SNTB1: variants seen among roughly 807,000 people sequenced by gnomAD.
SNTB1 encodes the protein beta-1-syntrophin.
A neutral mutation model predicts 48.9 loss-of-function variants in SNTB1; 36 were observed. The observed-to-expected ratio is 0.74, with a 90% CI of 0.56 to 0.97. SNTB1 has a LOEUF of 0.97. SNTB1 is among the 50% of genes least tolerant of loss of function. The pLI, the probability that SNTB1 is intolerant of heterozygous loss-of-function variation, is 0.00. For missense variants in SNTB1, 786 were observed against 703.4 expected (o/e 1.12, Z -1.33); for synonymous variants, 299 against 294.6 (o/e 1.01, Z -0.15).
intron 1 of SNTB1, among the ~76,000 whole-genome samples, chr8:120,790,167 G>T (rs569297917): frequency 1.3e-5 from 2 of 152,004 alleles, no homozygotes; most frequent in Admixed American, 1.3e-4. Context: ...CACAGAAAAA[G>T]CATTCAATAA....
At chr8:120,667,995 G>C (rs1272567398) in intron 2 of SNTB1, among the ~76,000 whole-genome samples, 3 of 152,174 alleles carry the variant, frequency 2.0e-5, no homozygotes, top group Non-Finnish European at 4.4e-5. Context: ...CTGTGGTGTA[G>C]TTTTTGCCTC....
intron 2 of SNTB1, among the ~76,000 whole-genome samples, chr8:120,646,875 CT>C (rs1817306613): frequency 1.3e-5 from 2 of 151,970 alleles, no homozygotes; most frequent in Non-Finnish European, 2.9e-5. Flanking sequence ...GATTCAACTT[CT>C]TCCTGGTTTA....
At chr8:120,782,946 T>G (rs986107943) in intron 1 of SNTB1, among the ~76,000 whole-genome samples, 1 of 152,230 alleles carries the variant, frequency 6.6e-6, no homozygotes. Flanking sequence ...CACTGGTCTT[T>G]ATACTAAGAA....
intron 3 of SNTB1, among the ~76,000 whole-genome samples, chr8:120,623,282 C>T (rs547111154): frequency 6.6e-6 from 1 of 152,198 alleles, no homozygotes; most frequent in Admixed American, 6.5e-5. Flanking sequence ...GTTGCCTTGA[C>T]ATATTTGAGC....
At chr8:120,694,229 G>A (rs150303969) in intron 1 of SNTB1, among the ~76,000 whole-genome samples, 3 of 152,292 alleles carry the variant, frequency 2.0e-5, no homozygotes, top group Non-Finnish European at 4.4e-5. Flanking sequence ...CATGGGCAGA[G>A]AGTGAGAAAG....
chr8:120,794,610 C>T (rs530404616), intron 1 of SNTB1, among the ~76,000 whole-genome samples: 4 of 151,906 alleles, frequency 2.6e-5, no homozygotes, highest in South Asian at 4.2e-4. Flanking sequence ...ATCAAGAGAC[C>T]GATTCTTTGA....
chr8:120,667,234 C>T (rs1817688232), intron 2 of SNTB1, among the ~76,000 whole-genome samples: 1 of 152,124 alleles, frequency 6.6e-6, no homozygotes, highest in Admixed American at 6.5e-5. Context: ...AGTTCTCCTA[C>T]TTCAGCCTTC....
rs2130651945 is a variant in SNTB1, at chr8:120,548,849, C to G, written c.1246G>C (p.Glu416Gln). The G allele has an allele frequency of 6.2e-7, 1 of 1,614,070 alleles. No homozygotes were observed. The highest frequency in any genetic ancestry group is 2.2e-5 in the East Asian group (1 of 44,858). ...CAGTGGGAGAGGTCCCTGCTGGTCT[C>G]TGCTCTGAAGAGATGTGTTTCAATC... ...QGIETHLFRA[E>Q]TSRDLSHWTR... Residue 416 changes from glutamate to glutamine, a missense_variant, in exon 5 of 7, where the codon GAG (glutamate) becomes CAG (glutamine). Transcript: ENST00000517992.
At chr8:120,615,329 T>A (rs1816696259) in intron 3 of SNTB1, among the ~76,000 whole-genome samples, 1 of 152,026 alleles carries the variant, frequency 6.6e-6, no homozygotes, top group Non-Finnish European at 1.5e-5. Context: ...ACATGACGGA[T>A]CCAACAATAT....
chr8:120,574,251 TG>T (rs1815911319), intron 4 of SNTB1, among the ~76,000 whole-genome samples: 1 of 152,188 alleles, frequency 6.6e-6, no homozygotes, highest in Non-Finnish European at 1.5e-5. Context: ...ACGAAATTTT[TG>T]TCATGCAAGT....
chr8:120,800,236 A>G (rs1337733501), intron 1 of SNTB1, among the ~76,000 whole-genome samples: 1 of 152,102 alleles, frequency 6.6e-6, no homozygotes. Flanking sequence ...GATTAACAAA[A>G]GCCCCACGCC....
chr8:120,614,088 GCA>G (rs1223457405), intron 3 of SNTB1, among the ~76,000 whole-genome samples: 1 of 152,166 alleles, frequency 6.6e-6, no homozygotes, highest in African/African-American at 2.4e-5. Context: ...AGGGCTCCAT[GCA>G]CACTGTTTAT....
chr8:120,635,817 A>T (rs1041602437), intron 2 of SNTB1: 3 of 281,656 alleles, frequency 1.1e-5, no homozygotes, highest in East Asian at 1.0e-4. Flanking sequence ...AAGAAGAGTC[A>T]TATGTACTTC....
At chr8:120,585,736 G>GT (rs35241881) in intron 3 of SNTB1, among the ~76,000 whole-genome samples, 9 of 151,922 alleles carry the variant, frequency 5.9e-5, no homozygotes, top group Non-Finnish European at 7.4e-5. Context: ...AGCAAATCCT[G>GT]TTTTTTTTGC....
chr8:120,538,610 TG>T lies in SNTB1; in HGVS notation c.*266del. 1.9e-6 allele frequency: 1 copy of T among 535,030 alleles called. No individual in the cohort carries two copies. The highest frequency in any genetic ancestry group is 1.9e-5 in the African/African-American group (1 of 53,058). 33.1% of individuals were successfully genotyped at this position (535,030 alleles called of 1,614,324 possible). On this transcript the variant is annotated 3_prime_UTR_variant, in exon 7 of 7. Coordinates refer to ENST00000517992, the MANE Select transcript of SNTB1 (RefSeq NM_021021.4). ...GGTTGTCATTATTTCAAAGCTATGC[TG>T]TGTATTTCCCGTCACCTCACCTCTT...
chr8:120,651,319 A>G (rs1455724750), intron 2 of SNTB1, among the ~76,000 whole-genome samples: 1 of 152,226 alleles, frequency 6.6e-6, no homozygotes, highest in African/African-American at 2.4e-5. Flanking sequence ...GGAAAGATGC[A>G]TGAGTCTTTT....
intron 4 of SNTB1, among the ~76,000 whole-genome samples, chr8:120,551,812 T>A (rs1267765971): frequency 6.6e-6 from 1 of 151,684 alleles, no homozygotes; most frequent in African/African-American, 2.4e-5. Context: ...AACTAGCATA[T>A]GGTTTGTGCT....
intron 1 of SNTB1, among the ~76,000 whole-genome samples, chr8:120,796,999 G>A (rs1820129516): frequency 6.6e-6 from 1 of 152,040 alleles, no homozygotes. Context: ...CAGTAGCTGA[G>A]AATGGAATTT....
At chr8:120,751,566 T>C (rs1819214781) in intron 1 of SNTB1, among the ~76,000 whole-genome samples, 1 of 152,124 alleles carries the variant, frequency 6.6e-6, no homozygotes, top group Non-Finnish European at 1.5e-5. Context: ...AAATGTCTGG[T>C]CTTACAACTG....
Sources: allele counts gnomAD v4.1 joint callset (sites outside exome capture counted in the v4.1 genomes callset), GRCh38; gene constraint gnomAD v4.1.1; transcripts MANE v1.5; gene names NCBI Gene and HGNC (gene_info 2026-07-23, HGNC 2026-07-21).